FOXP1: variants seen among roughly 807,000 people sequenced by gnomAD.
FOXP1 encodes forkhead box protein P1.
FOXP1 carries 15 observed loss-of-function variants against 98.2 expected under a neutral mutation model. The observed-to-expected ratio is 0.15, with a 90% CI of 0.10 to 0.24. The LOEUF (loss-of-function observed/expected upper bound fraction) is 0.24. Among genes scored for constraint, FOXP1 ranks in the 10% least tolerant of loss-of-function variants. The pLI is 1.00. For missense variants in FOXP1, 633 were observed against 848.5 expected (o/e 0.75, Z 3.15); for synonymous variants, 371 against 314.5 (o/e 1.18, Z -1.90).
intron 17 of FOXP1, among the ~76,000 whole-genome samples, chr3:70,976,665 G>A (rs1465635336): frequency 6.6e-6 from 1 of 152,156 alleles, no homozygotes; most frequent in Admixed American, 6.5e-5. Flanking sequence ...GGGCGACGGT[G>A]TTGTCTCCTT....
chr3:71,112,125 T>TG (rs72029323), intron 7 of FOXP1, among the ~76,000 whole-genome samples: 1,289 of 16,892 alleles, frequency 0.076, 37 homozygotes, highest in African/African-American at 0.1. Flanking sequence ...GGTGGGGGGG[T>TG]GGGGGGGTCG....
chr3:71,432,308 ATC>A (rs1431098815), intron 3 of FOXP1, among the ~76,000 whole-genome samples: 1 of 152,092 alleles, frequency 6.6e-6, no homozygotes, highest in East Asian at 1.9e-4. Context: ...TCCTGCACCC[ATC>A]GAGTTGATTT....
intron 2 of FOXP1, among the ~76,000 whole-genome samples, chr3:71,545,741 A>G (rs1220002132): frequency 6.6e-6 from 1 of 152,226 alleles, no homozygotes; most frequent in Admixed American, 6.5e-5. Flanking sequence ...AAGAACCTAC[A>G]ACCCAAATAT....
intron 3 of FOXP1, among the ~76,000 whole-genome samples, chr3:71,380,151 A>C (rs2080029582): frequency 6.6e-6 from 1 of 152,202 alleles, no homozygotes. Context: ...TATAAAACCA[A>C]AGACTATGTA....
chr3:71,532,725 CA>C (rs1387761465), intron 2 of FOXP1, among the ~76,000 whole-genome samples: 2 of 152,064 alleles, frequency 1.3e-5, no homozygotes, highest in East Asian at 3.8e-4. Flanking sequence ...GCAGGAAAAG[CA>C]AAGGGAAGCT....
chr3:70,975,589 C>G (rs1044012195), intron 17 of FOXP1, among the ~76,000 whole-genome samples: 2 of 152,140 alleles, frequency 1.3e-5, no homozygotes, highest in African/African-American at 4.8e-5. Flanking sequence ...TTATTTCAGG[C>G]GAAGGAAGTT....
intron 7 of FOXP1, among the ~76,000 whole-genome samples, chr3:71,067,696 C>T (rs1332968718): frequency 6.7e-6 from 1 of 149,782 alleles, no homozygotes; most frequent in Non-Finnish European, 1.5e-5. Context: ...TTTGAGACCA[C>T]CCTGGGCAAC....
chr3:71,056,090 T>C (rs2050597339), intron 7 of FOXP1, among the ~76,000 whole-genome samples: 1 of 152,208 alleles, frequency 6.6e-6, no homozygotes, highest in Non-Finnish European at 1.5e-5. Context: ...TCGAGTGAGG[T>C]GGTGCTCACA....
intron 5 of FOXP1, among the ~76,000 whole-genome samples, chr3:71,207,246 T>C (rs1560115934): frequency 7.4e-6 from 1 of 135,400 alleles, no homozygotes; most frequent in Non-Finnish European, 1.6e-5. Context: ...TTCAGAAAAG[T>C]CTTTTTTTTT....
At chr3:71,500,313 T>C (rs539134665) in intron 2 of FOXP1, among the ~76,000 whole-genome samples, 5 of 152,260 alleles carry the variant, frequency 3.3e-5, no homozygotes, top group Non-Finnish European at 7.3e-5. Flanking sequence ...TTTATTGCTC[T>C]CTTTTTCACT....
chr3:71,126,500 C>T (rs1406482037), intron 6 of FOXP1, among the ~76,000 whole-genome samples: 2 of 151,506 alleles, frequency 1.3e-5, no homozygotes, highest in East Asian at 3.9e-4. Context: ...AAAAAATAAT[C>T]AAATAAATAA....
At chr3:71,147,706 G>A (rs17008267) in intron 6 of FOXP1, among the ~76,000 whole-genome samples, 46,532 of 151,998 alleles carry the variant, frequency 0.31, 8,011 homozygotes, top group South Asian at 0.5. Flanking sequence ...CTAAATCAAT[G>A]TCTTGGTTAT....
At chr3:71,365,399 A>G (rs1297054438) in intron 3 of FOXP1, among the ~76,000 whole-genome samples, 1 of 151,466 alleles carries the variant, frequency 6.6e-6, no homozygotes, top group African/African-American at 2.4e-5. Flanking sequence ...TAGACAGCTT[A>G]CTAGAATCCC....
intron 9 of FOXP1, among the ~76,000 whole-genome samples, chr3:71,048,751 A>G (rs1052651294): frequency 6.6e-5 from 10 of 151,238 alleles, no homozygotes; most frequent in Non-Finnish European, 1.2e-4. Flanking sequence ...GAAAAAAACA[A>G]CATTGACACA....
intron 6 of FOXP1, among the ~76,000 whole-genome samples, chr3:71,167,781 G>A (rs1352330801): frequency 6.6e-6 from 1 of 152,144 alleles, no homozygotes; most frequent in East Asian, 1.9e-4. Context: ...GCCTCTGGCG[G>A]TCCATGGGTA....
chr3:71,343,830 G>A (rs190616908), intron 4 of FOXP1, among the ~76,000 whole-genome samples: 2 of 152,138 alleles, frequency 1.3e-5, no homozygotes, highest in African/African-American at 2.4e-5. Flanking sequence ...CACGCCTGGC[G>A]TTCAATTAGA....
At chr3:71,272,132 C>T (rs946209966) in intron 5 of FOXP1, among the ~76,000 whole-genome samples, 1 of 152,012 alleles carries the variant, frequency 6.6e-6, no homozygotes, top group Non-Finnish European at 1.5e-5. Flanking sequence ...GGCATACACC[C>T]AAAAAACAAC....
chr3:70,973,238 G>T (rs866940215), intron 17 of FOXP1, among the ~76,000 whole-genome samples: 1 of 124,158 alleles, frequency 8.1e-6, no homozygotes, highest in African/African-American at 3.2e-5. Context: ...CGGACCCCCC[G>T]CCCCCGCCCC....
intron 3 of FOXP1, among the ~76,000 whole-genome samples, chr3:71,473,555 G>A (rs1220304050): frequency 6.6e-6 from 1 of 152,112 alleles, no homozygotes; most frequent in South Asian, 2.1e-4. Flanking sequence ...TATAACCCAA[G>A]GACCTGTTCT....
Sources: allele counts gnomAD v4.1 joint callset (sites outside exome capture counted in the v4.1 genomes callset), GRCh38; gene constraint gnomAD v4.1.1; transcripts MANE v1.5; gene names NCBI Gene and HGNC (gene_info 2026-07-23, HGNC 2026-07-21).